HIPK2: variants seen among roughly 807,000 people sequenced by gnomAD.
The protein encoded by HIPK2 is homeodomain-interacting protein kinase 2.
Under a neutral mutation model 113.7 loss-of-function variants are expected in HIPK2, and 27 were observed. That is an observed-to-expected ratio of 0.24 (90% CI 0.17 to 0.33). The LOEUF (loss-of-function observed/expected upper bound fraction) is 0.33, where lower values mean the gene tolerates loss of function less well. HIPK2 is among the 10% of genes least tolerant of loss of function. The pLI, the probability that HIPK2 is intolerant of heterozygous loss-of-function variation, is 1.00. For missense variants in HIPK2, 1,257 were observed against 1,588.0 expected (o/e 0.79, Z 3.54); for synonymous variants, 631 against 642.2 (o/e 0.98, Z 0.26).
chr7:139,637,350 A>C (rs1434357510), intron 2 of HIPK2, among the ~76,000 whole-genome samples: 4 of 152,042 alleles, frequency 2.6e-5, no homozygotes, highest in Non-Finnish European at 5.9e-5. Flanking sequence ...GACCCTGCCC[A>C]CCTCTCCACC....
At position 139,613,754 on chromosome 7, in the gene HIPK2, C is replaced by T. The variant is rs935891081; in HGVS notation, c.1991-431G>A. ...TTGCAAAAATAAATTCTTAAGCTTT[C>T]TGGGTAAATTGTAACAAAGTACACA... On this transcript the variant is annotated intron_variant, in intron 8 of 14. Transcript: ENST00000406875. This position sits in a 1 kb window ranked among gnomAD's most constrained non-coding sequence, Gnocchi z 4.2. Among the ~76,000 whole-genome samples, 3 of 152,152 alleles carry T rather than the reference C, an allele frequency of 2.0e-5. No individual in the cohort carries two copies. Among genetic ancestry groups the T allele is most frequent in the African/African-American group, 7.2e-5 (3 of 41,416 alleles).
At chr7:139,746,763 T>G (rs776404079) in intron 1 of HIPK2, among the ~76,000 whole-genome samples, 1 of 152,164 alleles carries the variant, frequency 6.6e-6, no homozygotes, top group Non-Finnish European at 1.5e-5. Context: ...ACCTCACCAC[T>G]CAGTCAGGTG....
At chr7:139,703,823 A>C (rs1331450142) in intron 2 of HIPK2, among the ~76,000 whole-genome samples, 1 of 136,854 alleles carries the variant, frequency 7.3e-6, no homozygotes, top group Admixed American at 7.5e-5. Flanking sequence ...ACTACACCCA[A>C]CACATACACC....
At chr7:139,699,304 C>G (rs1794644967) in intron 2 of HIPK2, among the ~76,000 whole-genome samples, 2 of 152,110 alleles carry the variant, frequency 1.3e-5, no homozygotes. Flanking sequence ...CATTCAATTT[C>G]TATGGCAAAA....
intron 14 of HIPK2, among the ~76,000 whole-genome samples, chr7:139,574,342 C>G (rs893469878): frequency 1.3e-5 from 2 of 151,968 alleles, no homozygotes; most frequent in African/African-American, 4.8e-5. Context: ...TGCCACTGCA[C>G]TTGAGCCTGG....
intron 6 of HIPK2, among the ~76,000 whole-genome samples, chr7:139,621,223 C>T (rs1489698025): frequency 2.0e-5 from 3 of 152,160 alleles, no homozygotes; most frequent in Non-Finnish European, 4.4e-5. Context: ...ATCCATAAGA[C>T]GGAGACATGA....
At chr7:139,723,929 T>C (rs1795491742) in intron 1 of HIPK2, among the ~76,000 whole-genome samples, 1 of 152,056 alleles carries the variant, frequency 6.6e-6, no homozygotes, top group Non-Finnish European at 1.5e-5. Context: ...TAAGAGGTAC[T>C]AACTTCCTTA....
At chr7:139,674,649 G>A (rs953388651) in intron 2 of HIPK2, among the ~76,000 whole-genome samples, 2 of 152,182 alleles carry the variant, frequency 1.3e-5, no homozygotes, top group African/African-American at 4.8e-5. Context: ...TCCACGAAAG[G>A]AAGAAAAATG....
intron 9 of HIPK2, among the ~76,000 whole-genome samples, chr7:139,611,544 T>TG (rs1799823951): frequency 6.8e-6 from 1 of 147,468 alleles, no homozygotes; most frequent in Admixed American, 6.8e-5. Flanking sequence ...TTTCTATTAA[T>TG]TTTTTTTTTT....
At position 139,714,592 on chromosome 7, in the gene HIPK2, G is replaced by A. The variant is rs1288003420; in HGVS notation, c.1103+1340C>T. On this transcript the variant is annotated intron_variant, in intron 2 of 14. Coordinates refer to ENST00000406875, the MANE Select transcript of HIPK2 (RefSeq NM_022740.5). The surrounding 1 kb of genome is among the most constrained non-coding windows in gnomAD (Gnocchi z 4.2). ...GGGCATGTTCCAGCCTTCTCTCTGTGGCCTTGAAAGGCGCATGGAGAAAGC... is the reference window on the plus strand; with the variant it reads ...GGGCATGTTCCAGCCTTCTCTCTGTAGCCTTGAAAGGCGCATGGAGAAAGC... Among the ~76,000 whole-genome samples the A allele has an allele frequency of 6.6e-6, 1 of 152,204 alleles. No homozygotes were observed. The highest frequency in any genetic ancestry group is 2.4e-5 in the African/African-American group (1 of 41,456).
Position 139,631,308 on chromosome 7 carries a change from G to A in HIPK2, c.1228-24C>T, listed in dbSNP as rs1800606776. ...ATCTGCAAGAAAAGATAAGAATGAG[G>A]TCAGGGCTTTTCCTGTCACTATACA... is the stretch of plus-strand genomic sequence containing the variant. On this transcript the variant is annotated intron_variant, in intron 3 of 14. Transcript: ENST00000406875. The surrounding 1 kb of genome is among the most constrained non-coding windows in gnomAD (Gnocchi z 4.9). 6.3e-7 allele frequency: 1 copy of A among 1,595,356 alleles called. No homozygotes were observed. The highest frequency in any genetic ancestry group is 8.5e-7 in the Non-Finnish European group (1 of 1,170,104).
At position 139,562,852 on chromosome 7, in the gene HIPK2, T is replaced by C. The variant is rs551172233; in HGVS notation, c.*10075A>G. On this transcript the variant is annotated 3_prime_UTR_variant, in exon 15 of 15. Transcript: ENST00000406875. ...CTCCTATCCAATTTGGTTTGATATA[T>C]ATACACAAACATATATATCAACATC... 22 of 152,382 alleles carry C rather than the reference T, an allele frequency of 1.4e-4. No individual in the cohort carries two copies. The highest frequency in any genetic ancestry group is 5.0e-4 in the African/African-American group (21 of 41,588). 9.4% of individuals were successfully genotyped at this position (152,382 alleles called of 1,614,324 possible). A position where few individuals can be genotyped will look rare whatever the true frequency, so the allele number is the denominator to read the frequency against.
At chr7:139,758,663 G>C (rs946203693) in intron 1 of HIPK2, among the ~76,000 whole-genome samples, 1 of 152,128 alleles carries the variant, frequency 6.6e-6, no homozygotes, top group Non-Finnish European at 1.5e-5. Flanking sequence ...CGCATGCGAG[G>C]GATCCAGATT....
At chr7:139,638,848 G>A (rs190423486) in intron 2 of HIPK2, among the ~76,000 whole-genome samples, 307 of 152,096 alleles carry the variant, frequency 2.0e-3, no homozygotes, top group African/African-American at 7.0e-3. Context: ...TAGTAAAGAC[G>A]CGGTTTCACC....
chr7:139,594,667 C>A (rs980931486), intron 12 of HIPK2, among the ~76,000 whole-genome samples: 2 of 152,198 alleles, frequency 1.3e-5, no homozygotes, highest in African/African-American at 4.8e-5. Flanking sequence ...CCAGTCACAA[C>A]TGTGGACAGC....
chr7:139,648,310 A>G (rs1392936545), intron 2 of HIPK2, among the ~76,000 whole-genome samples: 2 of 152,248 alleles, frequency 1.3e-5, no homozygotes, highest in East Asian at 3.8e-4. Context: ...AAAATCAAAC[A>G]GAAATCTTCC....
chr7:139,711,611 T>TG (rs1381502728), intron 2 of HIPK2, among the ~76,000 whole-genome samples: 1 of 152,188 alleles, frequency 6.6e-6, no homozygotes, highest in Non-Finnish European at 1.5e-5. Flanking sequence ...AATCACTGAT[T>TG]ACCCTTTGCC....
intron 2 of HIPK2, among the ~76,000 whole-genome samples, chr7:139,698,544 T>C (rs1252201559): frequency 1.3e-5 from 2 of 152,258 alleles, no homozygotes; most frequent in Non-Finnish European, 2.9e-5. Flanking sequence ...AACTGTTTTC[T>C]ACAGTGGCTG....
At chr7:139,636,445 G>C (rs972556832) in intron 2 of HIPK2, among the ~76,000 whole-genome samples, 4 of 152,090 alleles carry the variant, frequency 2.6e-5, no homozygotes, top group African/African-American at 9.7e-5. Flanking sequence ...ATTTAGGAAT[G>C]GAGTTGCTGC....
Sources: gnomAD v4.1 joint callset for allele counts (sites outside exome capture counted in the v4.1 genomes callset) on GRCh38, gnomAD v4.1.1 for gene constraint, Gnocchi (gnomAD v3.1) non-coding constraint, MANE v1.5 for transcripts, NCBI Gene and HGNC (gene_info 2026-07-23, HGNC 2026-07-21) for gene names.